PTRH1: variants seen among roughly 807,000 people sequenced by gnomAD.
The protein encoded by PTRH1 is peptidyl-tRNA hydrolase 1 homolog.
In PTRH1, 13 loss-of-function variants were observed where a neutral mutation model predicts 15.7. That is an observed-to-expected ratio of 0.83 (90% CI 0.54 to 1.31). The LOEUF is 1.31. Among genes scored for constraint, PTRH1 ranks in the 40% most tolerant of loss-of-function variants. PTRH1 has a pLI of 0.00. For synonymous variants in PTRH1, 139 were observed against 136.7 expected, an observed-to-expected ratio of 1.02 and a Z score of -0.12; for missense variants, 319 against 296.2, an observed-to-expected ratio of 1.08 and a Z score of -0.56.
At chr9:127,710,815 C>G, downstream of PTRH1, 1 of 1,530,076 alleles carries the variant, frequency 6.5e-7, no homozygotes. Flanking sequence ...CTACGAACAT[C>G]CTAGTCTTCA....
chr9:127,710,282 C>CA (rs60165824), downstream of PTRH1, among the ~76,000 whole-genome samples: 22,996 of 82,282 alleles, frequency 0.28, 2,144 homozygotes, highest in South Asian at 0.34. Flanking sequence ...GACCCTGTCT[C>CA]AAAAAAAAAA....
chr9:127,714,478 A>T (rs1259185466), intron 3 of PTRH1, 54 bp from the exon 4 acceptor site: 4 of 1,608,034 alleles, frequency 2.5e-6, no homozygotes, highest in Non-Finnish European at 3.4e-6. Context: ...GTGTCCTTCC[A>T]CCCCTCCCTG....
downstream of PTRH1, chr9:127,712,187 G>A (rs1206724096): frequency 1.9e-6 from 3 of 1,613,618 alleles, no homozygotes; most frequent in African/African-American, 4.0e-5. Context: ...ACTCATCCCA[G>A]TTGGGGTCCA....
At chr9:127,703,667 C>T (rs1394921882) in intron 1 of PTRH1, among the ~76,000 whole-genome samples, 7 of 152,206 alleles carry the variant, frequency 4.6e-5, no homozygotes, top group South Asian at 2.1e-4. Context: ...CCACGTGCCA[C>T]GGCACCCAAA....
At position 127,714,157 on chromosome 9, in the gene PTRH1, G is replaced by C. The variant is rs144597665; in HGVS notation, c.588C>G (p.Thr196=). 2 of 1,613,720 alleles carry C rather than the reference G, an allele frequency of 1.2e-6. No homozygotes were observed. Among genetic ancestry groups the C allele is most frequent in the Non-Finnish European group, 1.7e-6 (2 of 1,179,994 alleles). Residue 196 remains threonine (T), a synonymous_variant, in exon 5 of 5, where the codon ACC becomes ACG. Transcript: ENST00000543175. ...CACGGATGTGGTCCAAGATCAGGTC[G>C]GTGGCTCGATCCAGCAACAGAGGCA... ...ELLPLLLDRA[T]DLILDHIRER...
downstream of PTRH1, chr9:127,712,778 C>G: frequency 1.2e-6 from 2 of 1,614,204 alleles, no homozygotes; most frequent in Non-Finnish European, 1.7e-6. Flanking sequence ...GATGCTGCAG[C>G]AACTGCTGGT....
downstream of PTRH1, chr9:127,712,081 C>G: frequency 6.6e-7 from 1 of 1,507,874 alleles, no homozygotes; most frequent in South Asian, 1.3e-5. Flanking sequence ...CAGGCTGAGG[C>G]TTGGGGCGGG....
intron 1 of PTRH1, among the ~76,000 whole-genome samples, chr9:127,703,809 T>G (rs1239350924): frequency 6.6e-6 from 1 of 152,214 alleles, no homozygotes; most frequent in Non-Finnish European, 1.5e-5. Context: ...ATGAGCTAGC[T>G]GGAGTTGGGC....
At chr9:127,712,484 TCG>T, downstream of PTRH1, 1 of 1,456,828 alleles carries the variant, frequency 6.9e-7, no homozygotes, top group Admixed American at 2.3e-5. Context: ...AGTCTGTCCT[TCG>T]CTGATTCTGG....
At chr9:127,714,926 A>ACCCCCCC in intron 2 of PTRH1, 49 bp downstream of exon 2, 4 of 629,302 alleles carry the variant, frequency 6.4e-6, no homozygotes, top group Non-Finnish European at 1.0e-5. Context: ...CCGCGCCCCA[A>ACCCCCCC]CCCCCACCCC....
chr9:127,697,888 G>C (rs974425958), intron 1 of PTRH1, among the ~76,000 whole-genome samples: 9 of 152,304 alleles, frequency 5.9e-5, no homozygotes, highest in South Asian at 2.1e-4. Flanking sequence ...CATTAAAATT[G>C]CTTGCTCGGA....
downstream of PTRH1, chr9:127,712,869 A>C (rs1842799945): frequency 5.0e-6 from 8 of 1,610,166 alleles, no homozygotes; most frequent in Non-Finnish European, 6.8e-6. Context: ...GGCCCACCCA[A>C]GGAGAGGTAA....
intron 1 of PTRH1, among the ~76,000 whole-genome samples, chr9:127,698,550 C>T (rs1027227148): frequency 5.9e-5 from 9 of 151,834 alleles, no homozygotes; most frequent in African/African-American, 2.4e-5. Flanking sequence ...ATTAGCCAGT[C>T]GTGGTGGCAC....
rs146626698 is a variant in PTRH1, at chr9:127,714,384, A to C, written c.457T>G (p.Ser153Ala). Residue 153 changes from serine (S) to alanine (A), a missense_variant, in exon 4 of 5, where the codon TCC becomes GCC. By Grantham distance (99) the Ser-to-Ala change is moderately conservative. Coordinates refer to ENST00000543175, the MANE Select transcript of PTRH1 (RefSeq NM_001002913.3). ...CAACAAAAGGGTAGACTCACATTGG[A>C]GTTGAGGCAGCTAATGCAGGAACGG... ...GVRSCISCLN[S>A]NAMPRLRVGI... 5.5e-5 allele frequency: 88 copies of C among 1,614,158 alleles called. No homozygotes were observed. In the African/African-American group the frequency reaches 1.1e-3, roughly 19 times the overall value.
downstream of PTRH1, chr9:127,712,722 A>G (rs1031808249): frequency 2.5e-6 from 4 of 1,614,050 alleles, no homozygotes; most frequent in African/African-American, 5.3e-5. Flanking sequence ...CACCGCGATG[A>G]AGAGGACAGT....
At chr9:127,707,013 G>C (rs763173654) in intron 1 of PTRH1, 2 of 1,612,836 alleles carry the variant, frequency 1.2e-6, no homozygotes, top group South Asian at 1.1e-5. Context: ...GGGGCCTGGA[G>C]CCCTGGTTGC....
rs1842849788 is a variant in PTRH1, at chr9:127,714,272, C to T, written c.473G>A (p.Arg158Lys). Reference sequence around the variant, plus strand: ...CGGGCGCCCGATACCCACCCGCAGCCTTGGCATTGCCTGTGGGAGAGCCAG... The same window carrying T: ...CGGGCGCCCGATACCCACCCGCAGCTTTGGCATTGCCTGTGGGAGAGCCAG... The part of the protein sequence containing the change: ...ISCLNSNAMP[R>K]LRVGIGRPAH... Residue 158 changes from arginine to lysine, a missense_variant, in exon 5 of 5, where the codon AGG (arginine) becomes AAG (lysine). By Grantham distance (26) the Arg-to-Lys change is conservative. Transcript: ENST00000543175. 6.2e-7 allele frequency: 1 copy of T among 1,613,958 alleles called. No homozygotes were observed. The highest frequency in any genetic ancestry group is 8.5e-7 in the Non-Finnish European group (1 of 1,179,926).
downstream of PTRH1, chr9:127,709,380 G>A: frequency 1.3e-6 from 2 of 1,594,250 alleles, no homozygotes; most frequent in Non-Finnish European, 1.7e-6. The surrounding 1 kb of genome is among the most constrained non-coding windows in gnomAD (Gnocchi z 4.7). Flanking sequence ...GGCCTGGCTT[G>A]CCCAGCCTGA....
In PTRH1 at chr9:127,714,673, C is replaced by T; in HGVS notation, c.346G>A (p.Val116Ile). 1.9e-6 allele frequency: 3 copies of T among 1,613,746 alleles called. No homozygotes were observed. The highest frequency in any genetic ancestry group is 2.5e-6 in the Non-Finnish European group (3 of 1,179,842). Residue 116 changes from valine to isoleucine, a missense_variant, in exon 3 of 5, where the codon GTC becomes ATC. By Grantham distance (29) the Val-to-Ile change is conservative. Transcript: ENST00000543175. ...AELFGLTAEE[V>I]YLVHDELDKP... ...TCCAGCTCATCATGCACCAGGTAGA[C>T]TTCCTCGGCAGTCAGCCCAAACAGC...
Sources: gnomAD v4.1 joint callset for allele counts (sites outside exome capture counted in the v4.1 genomes callset) on GRCh38, gnomAD v4.1.1 for gene constraint, Gnocchi (gnomAD v3.1) non-coding constraint, MANE v1.5 for transcripts, NCBI Gene and HGNC (gene_info 2026-07-23, HGNC 2026-07-21) for gene names.